The following F3 variants were observed in gnomAD, a reference collection of about 807,000 sequenced individuals.
The protein encoded by F3 is tissue factor.
Under a neutral mutation model 33.5 loss-of-function variants are expected in F3, and 18 were observed. The observed-to-expected ratio is 0.54, with a 90% CI of 0.37 to 0.80. The LOEUF (loss-of-function observed/expected upper bound fraction) is 0.80, where lower values mean the gene tolerates loss of function less well. F3 is among the 30% of genes least tolerant of loss of function. The pLI is 0.00. For missense variants in F3, 353 were observed against 362.1 expected (o/e 0.97, Z 0.20); for synonymous variants, 147 against 140.7 (o/e 1.05, Z -0.32).
chr1:94,532,783 C>T (rs574276357), intron 4 of F3, among the ~76,000 whole-genome samples: 1 of 152,242 alleles, frequency 6.6e-6, no homozygotes, highest in East Asian at 1.9e-4. Flanking sequence ...AAATTTTGTG[C>T]CTGGGATCCT....
intron 3 of F3, among the ~76,000 whole-genome samples, chr1:94,534,960 G>C (rs972172759): frequency 1.3e-5 from 2 of 151,950 alleles, no homozygotes; most frequent in Non-Finnish European, 2.9e-5. Context: ...TTCTTGCCTG[G>C]TGCCACAAAA....
chr1:94,538,854 T>C (rs762484), intron 2 of F3, among the ~76,000 whole-genome samples: 32,671 of 152,148 alleles, frequency 0.21, 3,797 homozygotes, highest in Admixed American at 0.26. Context: ...GTTCAGTCCA[T>C]AGGACCACCC....
rs2101086575 is a variant in F3, at chr1:94,529,474, T to A, written c.*986A>T. 6.5e-6 allele frequency: 1 copy of A among 152,720 alleles called. No individual in the cohort carries two copies. The highest frequency in any genetic ancestry group is 2.4e-5 in the African/African-American group (1 of 41,576). 9.5% of individuals were successfully genotyped at this position (152,720 alleles called of 1,614,324 possible). On this transcript the variant is annotated 3_prime_UTR_variant, in exon 6 of 6. Transcript: ENST00000334047. ...TCAACCATAGAAGCTTTAAGTACCTTAAATCATAAACTCTGTAGTTTGTAT... is the reference window on the plus strand; with the variant it reads ...TCAACCATAGAAGCTTTAAGTACCTAAAATCATAAACTCTGTAGTTTGTAT...
At position 94,533,159 on chromosome 1, in the gene F3, G is replaced by C. The variant is rs200192517; in HGVS notation, c.522C>G (p.Ser174Arg). ...TLVRRNNTFL[S>R]LRDVFGKDLI... ...AGTCCTTGCCAAAAACATCCCGGAGGCTTAGGAAAGTGTTGTTCCTTCTGA... is the reference window on the plus strand; with the variant it reads ...AGTCCTTGCCAAAAACATCCCGGAGCCTTAGGAAAGTGTTGTTCCTTCTGA... The change falls in exon 4 of 6, where the codon AGC becomes AGG. Residue 174 changes from serine (S) to arginine (R), a missense_variant. Physicochemically the swap from Ser to Arg is moderately radical, Grantham distance 110 (BLOSUM62 -1). Coordinates refer to ENST00000334047, the MANE Select transcript of F3 (RefSeq NM_001993.5). The C allele has an allele frequency of 1.2e-4, 199 of 1,613,882 alleles. No homozygotes were observed. Among genetic ancestry groups the C allele is most frequent in the Middle Eastern group, 1.2e-3 (7 of 6,060 alleles).
At chr1:94,532,239 C>T in intron 5 of F3, 82 bp downstream of exon 5, 1 of 1,365,804 alleles carries the variant, frequency 7.3e-7, no homozygotes, top group Admixed American at 2.2e-5. Context: ...AAGTATATCC[C>T]AGCCCTGAGG....
At chr1:94,530,695 T>C in intron 5 of F3, 99 bp from the exon 6 acceptor site, 1 of 1,429,366 alleles carries the variant, frequency 7.0e-7, no homozygotes. Context: ...CATCCTATTT[T>C]TGTGCAATTT....
In F3 at chr1:94,529,410, C is replaced by T. The variant is rs1054370401; in HGVS notation, c.*1050G>A. Reference sequence around the variant, plus strand: ...TATTACCTACATAAATAGAAAATCCCCATATAGAAAACCTTTTTAAAAAAT... The same window carrying T: ...TATTACCTACATAAATAGAAAATCCTCATATAGAAAACCTTTTTAAAAAAT... On this transcript the variant is annotated 3_prime_UTR_variant, in exon 6 of 6. Transcript: ENST00000334047. 7.9e-5 allele frequency: 12 copies of T among 152,228 alleles called. No individual in the cohort carries two copies. Among genetic ancestry groups the T allele is most frequent in the African/African-American group, 2.7e-4 (11 of 41,334 alleles). 9.4% of individuals were successfully genotyped at this position (152,228 alleles called of 1,614,324 possible).
At chr1:94,533,309 C>G in intron 3 of F3, 41 bp from the exon 4 acceptor site, 1 of 1,584,416 alleles carries the variant, frequency 6.3e-7, no homozygotes, top group Non-Finnish European at 8.5e-7. Flanking sequence ...CCAAAGAATT[C>G]TGTACAAAGT....
chr1:94,541,628 G>A lies in F3; in HGVS notation c.9C>T (p.Thr3=). 2 of 1,425,032 alleles carry A rather than the reference G, an allele frequency of 1.4e-6. No homozygotes were observed. The highest frequency in any genetic ancestry group is 9.2e-7 in the Non-Finnish European group (1 of 1,085,142). 88.3% of individuals were successfully genotyped at this position (1,425,032 alleles called of 1,614,324 possible). The change falls in exon 1 of 6, where the codon ACC becomes ACT. Residue 3 remains threonine, a synonymous_variant. Coordinates refer to ENST00000334047, the MANE Select transcript of F3 (RefSeq NM_001993.5). ME[T]PAWPRVPRPE... is the part of the protein sequence containing the mutation. Reference sequence around the variant, plus strand: ...GGCGCGGGACCCGGGGCCAGGCAGGGGTCTCCATGTCTACCAGTTGGCGGC... The same window carrying A: ...GGCGCGGGACCCGGGGCCAGGCAGGAGTCTCCATGTCTACCAGTTGGCGGC...
At position 94,533,264 on chromosome 1, in the gene F3, G is replaced by A; in HGVS notation, c.417C>T (p.Asn139=). Residue 139 remains asparagine, a synonymous_variant, in exon 4 of 6, where the codon AAC becomes AAT. Transcript: ENST00000334047. ...AACTCTGAATTGTTGGCTGTCCGAG[G>A]TTTGCTGAAACAAAGGAAATGAGCT... ...SPEFTPYLET[N]LGQPTIQSFE... is the part of the protein sequence containing the mutation. The A allele has an allele frequency of 6.2e-7, 1 of 1,609,888 alleles. No homozygotes were observed. Among genetic ancestry groups the A allele is most frequent in the Non-Finnish European group, 8.5e-7 (1 of 1,179,178 alleles).
At chr1:94,531,665 T>TA (rs894126224) in intron 5 of F3, among the ~76,000 whole-genome samples, 66 of 152,316 alleles carry the variant, frequency 4.3e-4, no homozygotes, top group African/African-American at 1.6e-3. Flanking sequence ...ACTTTCCCTG[T>TA]AAGGCATGGA....
Position 94,530,317 on chromosome 1 carries a change from T to C in F3, c.*143A>G. The stretch of plus-strand genomic sequence containing the variant: ...GTCAAAACCAGAATGCTAATGGTAA[T>C]AACAGGTCATATCAAGAGTTTTTTG... On this transcript the variant is annotated 3_prime_UTR_variant, in exon 6 of 6. Transcript: ENST00000334047. 2 of 962,450 alleles carry C rather than the reference T, an allele frequency of 2.1e-6. No homozygotes were observed. The highest frequency in any genetic ancestry group is 3.1e-6 in the Non-Finnish European group (2 of 646,108). The allele number at this position is 962,450 out of a possible 1,614,324, so 59.6% of individuals were successfully genotyped here. A position where few individuals can be genotyped will look rare whatever the true frequency, so the allele number is the denominator to read the frequency against.
intron 2 of F3, 109 bp downstream of exon 2, chr1:94,540,148 C>A (rs1651729950): frequency 1.3e-6 from 1 of 766,330 alleles, no homozygotes; most frequent in East Asian, 2.6e-5. Context: ...TCTTCTTCGT[C>A]ATCTGTTAAA....
At position 94,536,113 on chromosome 1, in the gene F3, C is replaced by T. The variant is rs922921059; in HGVS notation, c.264G>A (p.Glu88=). 3 of 1,614,216 alleles carry T rather than the reference C, an allele frequency of 1.9e-6. No individual in the cohort carries two copies. The highest frequency in any genetic ancestry group is 2.5e-6 in the Non-Finnish European group (3 of 1,180,042). The part of the protein sequence containing the change: ...KSKCFYTTDT[E]CDLTDEIVKD... ...TCACAATCTCGTCGGTGAGGTCACA[C>T]TCTGTGTCTGTTGTGTAAAAGCATT... Residue 88 remains glutamate (E), a synonymous_variant, in exon 3 of 6, where the codon GAG becomes GAA. Transcript: ENST00000334047.
At chr1:94,539,859 C>T (rs534531638) in intron 2 of F3, among the ~76,000 whole-genome samples, 7 of 152,184 alleles carry the variant, frequency 4.6e-5, no homozygotes, top group Admixed American at 4.6e-4. Flanking sequence ...GATTCCTCCC[C>T]ACCTCTTCCC....
chr1:94,530,396 T>C lies in F3; in HGVS notation c.*64A>G. On this transcript the variant is annotated 3_prime_UTR_variant, in exon 6 of 6. Transcript: ENST00000334047. ...CTCATTTGCGTTTCCATGTATTCTA[T>C]CCTCTTAAAAGTTCTCGGTCACAGT... 1.3e-6 allele frequency: 2 copies of C among 1,599,602 alleles called. No homozygotes were observed. Among genetic ancestry groups the C allele is most frequent in the South Asian group, 2.2e-5 (2 of 89,572 alleles).
chr1:94,533,427 T>C (rs1346907877), intron 3 of F3, among the ~76,000 whole-genome samples, 159 bp from the exon 4 acceptor site: 1 of 152,224 alleles, frequency 6.6e-6, no homozygotes, highest in Non-Finnish European at 1.5e-5. Context: ...TGGAGCTGAA[T>C]CCTAAGACAT....
intron 3 of F3, among the ~76,000 whole-genome samples, chr1:94,533,849 T>C (rs1351865035): frequency 6.6e-6 from 1 of 151,466 alleles, no homozygotes; most frequent in Non-Finnish European, 1.5e-5. Flanking sequence ...TTCTTTTCTT[T>C]TCTTTTCTTT....
intron 2 of F3, among the ~76,000 whole-genome samples, chr1:94,537,817 C>T (rs186447925): frequency 7.9e-5 from 12 of 152,096 alleles, no homozygotes; most frequent in Admixed American, 5.9e-4. Flanking sequence ...ATTTTGTTCC[C>T]GAATGACCAA....
Sources: allele counts gnomAD v4.1 joint callset (sites outside exome capture counted in the v4.1 genomes callset), GRCh38; gene constraint gnomAD v4.1.1; transcripts MANE v1.5; gene names NCBI Gene and HGNC (gene_info 2026-07-23, HGNC 2026-07-21).